PDZD4: variants seen among roughly 807,000 people sequenced by gnomAD.
PDZD4 encodes PDZ domain-containing protein 4.
PDZD4 carries 9 observed loss-of-function variants against 38.5 expected under a neutral mutation model. That is an observed-to-expected ratio of 0.23 (90% CI 0.14 to 0.41). PDZD4 has a LOEUF of 0.41. PDZD4 is among the 10% of genes least tolerant of loss of function. The pLI, the probability that PDZD4 is intolerant of heterozygous loss-of-function variation, is 1.00. For synonymous variants in PDZD4, 349 were observed against 315.7 expected (o/e 1.11, Z -1.12); for missense variants, 612 against 722.0 (o/e 0.85, Z 1.75).
At chrX:153,822,647 C>G (rs1465325971) in intron 1 of PDZD4, among the ~76,000 whole-genome samples, 1 of 24,880 alleles carries the variant, frequency 4.0e-5, no homozygotes, top group Non-Finnish European at 9.4e-5. Flanking sequence ...CTCTCTCCCT[C>G]CCTCCCTCTC....
intron 2 of PDZD4, chrX:153,807,727 C>G (rs2064267882): frequency 2.4e-6 from 1 of 410,021 alleles, no homozygotes; most frequent in Non-Finnish European, 3.3e-6. Context: ...ACTCATGCAA[C>G]GCCCCCAGGA....
chrX:153,828,233 C>T (rs1295985193), intron 1 of PDZD4, among the ~76,000 whole-genome samples: 1 of 112,386 alleles, frequency 8.9e-6, no homozygotes, highest in Admixed American at 9.4e-5. Flanking sequence ...CCCCCAGAAG[C>T]GCAGTCCCCT....
At chrX:153,824,999 A>AAACAAC (rs782135132) in intron 1 of PDZD4, among the ~76,000 whole-genome samples, 8 of 111,851 alleles carry the variant, frequency 7.2e-5, no homozygotes, top group African/African-American at 2.3e-4. Context: ...ACTCTGTCTC[A>AAACAAC]AACAACAACA....
intron 2 of PDZD4, 87 bp from the exon 3 acceptor site, chrX:153,807,456 C>A (rs1247197339): frequency 4.2e-5 from 40 of 963,251 alleles, no homozygotes; most frequent in Admixed American, 2.8e-5. Context: ...CCCAGCGTGC[C>A]TGGCACGGAG....
At chrX:153,807,476 G>A in intron 2 of PDZD4, 107 bp from the exon 3 acceptor site, 1 of 823,323 alleles carries the variant, frequency 1.2e-6, no homozygotes, top group Non-Finnish European at 1.7e-6. Flanking sequence ...GGCCTGCTCT[G>A]CTTGTGCTCT....
At chrX:153,829,307 C>T (rs1357545027) in intron 1 of PDZD4, among the ~76,000 whole-genome samples, 3 of 109,325 alleles carry the variant, frequency 2.7e-5, no homozygotes, top group South Asian at 8.1e-4. Flanking sequence ...GATTCCTTCC[C>T]AGTCCAGACC....
chrX:153,815,114 C>T (rs1349929406), intron 1 of PDZD4, among the ~76,000 whole-genome samples: 2 of 113,117 alleles, frequency 1.8e-5, no homozygotes, highest in South Asian at 7.2e-4. Context: ...CCCATGGCGA[C>T]TCTTCAGCAC....
Position 153,803,384 on chromosome X carries a change from T to C in PDZD4, c.2297A>G (p.Tyr766Cys). 1 of 1,140,906 alleles carries C rather than the reference T, an allele frequency of 8.8e-7. No homozygotes were observed. Among genetic ancestry groups the C allele is most frequent in the Non-Finnish European group, 1.2e-6 (1 of 863,495 alleles). The allele number at this position is 1,140,906 out of a possible 1,213,427, so 94.0% of individuals were successfully genotyped here. The change falls in exon 8 of 8, where the codon TAC becomes TGC. Residue 766 changes from tyrosine to cysteine, a missense_variant. Tyr to Cys is a radical substitution (Grantham distance 194). This residue lies in a region of PDZD4 where 87 missense variants were observed against 126.3 expected (regional missense o/e 0.69). Transcript: ENST00000393758. ...GARSADGKRV[Y>C]NPLLSVTTV ...GGTGGTGACTGAGAGAAGAGGGTTG[T>C]AGACCCGCTTGCCATCGGCGGAGCG...
At chrX:153,818,388 G>A (rs980031995) in intron 1 of PDZD4, among the ~76,000 whole-genome samples, 1 of 111,521 alleles carries the variant, frequency 9.0e-6, no homozygotes, top group African/African-American at 3.3e-5. Flanking sequence ...GCAGTGAGCC[G>A]TGATTGTGCC....
chrX:153,821,489 A>T (rs1195650761), intron 1 of PDZD4, among the ~76,000 whole-genome samples: 1 of 110,552 alleles, frequency 9.0e-6, no homozygotes, highest in African/African-American at 3.3e-5. Flanking sequence ...AACAAACAAA[A>T]AAAACAACAC....
Position 153,807,891 on chromosome X carries a change from G to T in PDZD4, c.314+451C>A, listed in dbSNP as rs1003063808. ...GCTAAGATTAGCAGAATGAGGCAGC[G>T]CTCACGCGGTCATGAGCCACCAGGC... On this transcript the variant is annotated intron_variant, in intron 2 of 7. Coordinates refer to ENST00000393758, the MANE Select transcript of PDZD4 (RefSeq NM_001303512.2). 1.9e-5 allele frequency: 19 copies of T among 980,680 alleles called. No homozygotes were observed. In the Admixed American group the frequency reaches 2.7e-4, roughly 14 times the overall value. 80.8% of individuals were successfully genotyped at this position (980,680 alleles called of 1,213,427 possible). A position where few individuals can be genotyped will look rare whatever the true frequency, so the allele number is the denominator to read the frequency against.
At position 153,802,525 on chromosome X, in the gene PDZD4, C is replaced by T. The variant is rs2092178749; in HGVS notation, c.*828G>A. On this transcript the variant is annotated 3_prime_UTR_variant, in exon 8 of 8. Coordinates refer to ENST00000393758, the MANE Select transcript of PDZD4 (RefSeq NM_001303512.2). ...GATGGTGTGGGGCGCAGAACGGGCT[C>T]TGTGACTTCTTGGTGGACACCCTGC... 1 of 111,595 alleles carries T rather than the reference C, an allele frequency of 9.0e-6. No individual in the cohort carries two copies. The highest frequency in any genetic ancestry group is 3.9e-4 in the South Asian group (1 of 2,590). 9.2% of individuals were successfully genotyped at this position (111,595 alleles called of 1,213,427 possible).
chrX:153,830,499 C>T lies in PDZD4; in HGVS notation c.-201G>A. 2.9e-6 allele frequency: 1 copy of T among 346,972 alleles called. No homozygotes were observed. The highest frequency in any genetic ancestry group is 5.2e-5 in the East Asian group (1 of 19,315). The allele number at this position is 346,972 out of a possible 1,213,427, so 28.6% of individuals were successfully genotyped here. A position where few individuals can be genotyped will look rare whatever the true frequency, so the allele number is the denominator to read the frequency against. On this transcript the variant is annotated 5_prime_UTR_variant, in exon 1 of 8. Transcript: ENST00000393758. ...CAGGTTAACTCTTCGCTGGCCGAGG[C>T]CAGGCGCGGGCATGCTCCCTCGCAC...
chrX:153,819,437 A>G (rs1217215165), intron 1 of PDZD4, among the ~76,000 whole-genome samples: 3 of 111,272 alleles, frequency 2.7e-5, no homozygotes, highest in African/African-American at 9.8e-5. Flanking sequence ...GACCCCTTTC[A>G]CTCTCACTGG....
chrX:153,810,995 A>G (rs1393853335), intron 1 of PDZD4, among the ~76,000 whole-genome samples: 6 of 112,282 alleles, frequency 5.3e-5, no homozygotes, highest in Non-Finnish European at 1.1e-4. Context: ...TTTTGTTGAG[A>G]TGGAGTCTTG....
At position 153,802,687 on chromosome X, in the gene PDZD4, C is replaced by T. The variant is rs1014718454; in HGVS notation, c.*666G>A. The T allele has an allele frequency of 2.7e-5, 3 of 111,074 alleles. No homozygotes were observed. The East Asian group carries it at 8.5e-4, about 31-fold the overall frequency. The allele number at this position is 111,074 out of a possible 1,213,427, so 9.2% of individuals were successfully genotyped here. A position where few individuals can be genotyped will look rare whatever the true frequency, so the allele number is the denominator to read the frequency against. The stretch of plus-strand genomic sequence containing the variant: ...TTCCCATTCCTCCCACCTTTCCCTC[C>T]CCTTCCCTCCCATCCATCCCCAGCC... On this transcript the variant is annotated 3_prime_UTR_variant, in exon 8 of 8. Transcript: ENST00000393758.
At position 153,803,869 on chromosome X, in the gene PDZD4, G is replaced by C. The variant is rs782807192; in HGVS notation, c.1812C>G (p.His604Gln). 73 of 1,186,265 alleles carry C rather than the reference G, an allele frequency of 6.2e-5. No homozygotes were observed. The highest frequency in any genetic ancestry group is 7.9e-5 in the Non-Finnish European group (70 of 885,570). ...GGCCACCGGCCAAGCTCAGGGGGCCGTGGCCCAGCTCCTCCAGGCCTCGCG... is the reference window on the plus strand; with the variant it reads ...GGCCACCGGCCAAGCTCAGGGGGCCCTGGCCCAGCTCCTCCAGGCCTCGCG... Reference protein sequence around the residue: ...APTRGLEELGHGPLSLAGGPR... With the variant: ...APTRGLEELGQGPLSLAGGPR... Residue 604 changes from histidine to glutamine, a missense_variant, in exon 8 of 8, where the codon CAC becomes CAG. Physicochemically the swap from His to Gln is conservative, Grantham distance 24. Transcript: ENST00000393758.
At chrX:153,813,687 G>T (rs997556081) in intron 1 of PDZD4, among the ~76,000 whole-genome samples, 1 of 111,946 alleles carries the variant, frequency 8.9e-6, no homozygotes, top group Non-Finnish European at 1.9e-5. Flanking sequence ...AAGGAAAAAC[G>T]CTCAGGCCAA....
At position 153,806,738 on chromosome X, in the gene PDZD4, A is replaced by G. The variant is rs1557077164; in HGVS notation, c.504+4T>C. On this transcript the variant is annotated splice_donor_region_variant and intron_variant, in intron 4 of 7. Coordinates refer to ENST00000393758, the MANE Select transcript of PDZD4 (RefSeq NM_001303512.2). Reference sequence around the variant, plus strand: ...TCGGGGCTGGGGCATACCCGTCTGCATACCTCTCCGACATAAATGCCCAGG... The same window carrying G: ...TCGGGGCTGGGGCATACCCGTCTGCGTACCTCTCCGACATAAATGCCCAGG... The G allele has an allele frequency of 7.4e-6, 9 of 1,209,205 alleles. No homozygotes were observed. The highest frequency in any genetic ancestry group is 1.0e-5 in the Non-Finnish European group (9 of 893,712).
Sources: allele counts gnomAD v4.1 joint callset (sites outside exome capture counted in the v4.1 genomes callset), GRCh38; gene constraint gnomAD v4.1.1; regional missense constraint gnomAD v4.1.1; transcripts MANE v1.5; gene names NCBI Gene and HGNC (gene_info 2026-07-23, HGNC 2026-07-21).